CNTN5: variants seen among roughly 807,000 people sequenced by gnomAD.
CNTN5 encodes the protein contactin 5.
A neutral mutation model predicts 129.1 loss-of-function variants in CNTN5; 77 were observed. The observed-to-expected ratio is 0.60, with a 90% CI of 0.50 to 0.72. The LOEUF (loss-of-function observed/expected upper bound fraction) is 0.72, where lower values mean the gene tolerates loss of function less well. CNTN5 is among the 30% of genes least tolerant of loss of function. The pLI is 0.00. For missense variants in CNTN5, 1,478 were observed against 1,328.8 expected (o/e 1.11, Z -1.75); for synonymous variants, 509 against 465.6 (o/e 1.09, Z -1.20).
intron 1 of CNTN5, among the ~76,000 whole-genome samples, chr11:99,114,982 G>A (rs1269975339): frequency 6.6e-6 from 1 of 152,156 alleles, no homozygotes; most frequent in Non-Finnish European, 1.5e-5. Context: ...TGCCCTTATA[G>A]AAGAGGCTCA....
At chr11:99,261,463 T>A (rs4754597) in intron 1 of CNTN5, among the ~76,000 whole-genome samples, 1 of 151,776 alleles carries the variant, frequency 6.6e-6, no homozygotes, top group African/African-American at 2.4e-5. Context: ...GAATGTGTTT[T>A]GTTTATCTAT....
At chr11:99,128,719 T>C (rs903945224) in intron 1 of CNTN5, among the ~76,000 whole-genome samples, 1 of 152,188 alleles carries the variant, frequency 6.6e-6, no homozygotes, top group Non-Finnish European at 1.5e-5. Context: ...AGGAGAGTTA[T>C]GGCTGGCATC....
At chr11:99,598,846 A>AT (rs1220619258) in intron 3 of CNTN5, among the ~76,000 whole-genome samples, 2 of 151,956 alleles carry the variant, frequency 1.3e-5, no homozygotes, top group Non-Finnish European at 2.9e-5. Flanking sequence ...GAAAAACACC[A>AT]TTTTTCCTGA....
chr11:99,286,605 T>G (rs1863950273), intron 1 of CNTN5, among the ~76,000 whole-genome samples: 1 of 152,166 alleles, frequency 6.6e-6, no homozygotes, highest in African/African-American at 2.4e-5. Flanking sequence ...CCTTAAAATT[T>G]TAGGTCAGTA....
chr11:99,984,454 G>A (rs960419305), intron 8 of CNTN5, among the ~76,000 whole-genome samples: 7 of 152,052 alleles, frequency 4.6e-5, no homozygotes, highest in Non-Finnish European at 8.8e-5. Context: ...CTTGCGGGAG[G>A]AATTAGAGAA....
chr11:99,773,094 T>A (rs1944999850), intron 3 of CNTN5, among the ~76,000 whole-genome samples: 1 of 152,052 alleles, frequency 6.6e-6, no homozygotes, highest in Non-Finnish European at 1.5e-5. Context: ...TTATCAGTAT[T>A]CAAAAAGACC....
intron 3 of CNTN5, among the ~76,000 whole-genome samples, chr11:99,718,671 T>C (rs909753731): frequency 6.6e-6 from 1 of 152,158 alleles, no homozygotes; most frequent in Non-Finnish European, 1.5e-5. Context: ...TGGTAATCTA[T>C]AGCATCAAAT....
intron 1 of CNTN5, among the ~76,000 whole-genome samples, chr11:99,155,475 G>A: frequency 6.6e-6 from 1 of 152,082 alleles, no homozygotes; most frequent in Admixed American, 6.5e-5. Context: ...ACCAAACACT[G>A]GCAGATTCTG....
chr11:99,370,474 A>G (rs1939758097), intron 2 of CNTN5, among the ~76,000 whole-genome samples: 1 of 152,222 alleles, frequency 6.6e-6, no homozygotes, highest in Non-Finnish European at 1.5e-5. Flanking sequence ...ATTCCAAAGT[A>G]TTGAACACGT....
At chr11:99,786,090 G>A (rs1945511540) in intron 3 of CNTN5, among the ~76,000 whole-genome samples, 1 of 152,066 alleles carries the variant, frequency 6.6e-6, no homozygotes, top group Admixed American at 6.6e-5. Flanking sequence ...TCACATGATT[G>A]TATCTTTAGA....
chr11:99,069,072 C>T (rs1343145372), intron 1 of CNTN5, among the ~76,000 whole-genome samples: 2 of 151,954 alleles, frequency 1.3e-5, no homozygotes, highest in Non-Finnish European at 2.9e-5. Flanking sequence ...AATAGGAAGC[C>T]GACAAGGTTG....
At chr11:99,365,071 C>T (rs529621042) in intron 2 of CNTN5, among the ~76,000 whole-genome samples, 1 of 152,134 alleles carries the variant, frequency 6.6e-6, no homozygotes, top group South Asian at 2.1e-4. Flanking sequence ...AGGAAAAGGC[C>T]AAGTGACATG....
At chr11:99,312,366 T>C (rs553323728) in intron 1 of CNTN5, among the ~76,000 whole-genome samples, 17 of 152,286 alleles carry the variant, frequency 1.1e-4, no homozygotes, top group African/African-American at 3.8e-4. Context: ...TTATATATCC[T>C]GTATGAGCCT....
intron 1 of CNTN5, among the ~76,000 whole-genome samples, chr11:99,065,468 A>G (rs911868017): frequency 1.3e-5 from 2 of 152,304 alleles, no homozygotes; most frequent in South Asian, 4.1e-4. Flanking sequence ...GAATCTTAAA[A>G]CCATCAATAA....
At position 99,867,028 on chromosome 11, in the gene CNTN5, T is replaced by C. The variant is rs969892487; in HGVS notation, c.577+21766T>C. ...AATGCAGCTGTTCACATAGACTATATTGAAGAAGTCTTCAATCCCAAAGCA... is the reference window on the plus strand; with the variant it reads ...AATGCAGCTGTTCACATAGACTATACTGAAGAAGTCTTCAATCCCAAAGCA... On this transcript the variant is annotated intron_variant, in intron 6 of 24. Coordinates refer to ENST00000524871, the MANE Select transcript of CNTN5 (RefSeq NM_014361.4). Among the ~76,000 whole-genome samples the C allele has an allele frequency of 2.0e-5, 3 of 152,332 alleles. No individual in the cohort carries two copies. In the East Asian group the frequency reaches 5.8e-4, roughly 29 times the overall value.
chr11:99,601,911 A>G (rs951443808), intron 3 of CNTN5, among the ~76,000 whole-genome samples: 1 of 152,208 alleles, frequency 6.6e-6, no homozygotes. Flanking sequence ...TACCTTTTTA[A>G]TCATATCACT....
chr11:99,287,915 G>A (rs996533407), intron 1 of CNTN5, among the ~76,000 whole-genome samples: 5 of 151,818 alleles, frequency 3.3e-5, no homozygotes, highest in African/African-American at 1.2e-4. Flanking sequence ...GGAAAAAGAG[G>A]AATAGGAGTA....
intron 1 of CNTN5, among the ~76,000 whole-genome samples, chr11:99,139,649 T>C (rs1332381985): frequency 6.6e-6 from 1 of 152,200 alleles, no homozygotes; most frequent in Non-Finnish European, 1.5e-5. Flanking sequence ...TAATGTTACT[T>C]TCATTTTTAA....
chr11:100,295,205 T>C (rs1354188310), intron 18 of CNTN5, among the ~76,000 whole-genome samples: 4 of 151,684 alleles, frequency 2.6e-5, no homozygotes, highest in Non-Finnish European at 5.9e-5. Flanking sequence ...TTCTTTACAT[T>C]AAGTTGAAGA....
Sources: allele counts gnomAD v4.1 joint callset (sites outside exome capture counted in the v4.1 genomes callset), GRCh38; gene constraint gnomAD v4.1.1; transcripts MANE v1.5; gene names NCBI Gene and HGNC (gene_info 2026-07-23, HGNC 2026-07-21).